Variants in HDAC9 observed in about 807,000 individuals in gnomAD.
HDAC9 encodes MEF-2 interacting transcription repressor (MITR) protein.
In HDAC9, 41 loss-of-function variants were observed where a neutral mutation model predicts 139.4. The observed-to-expected ratio is 0.29, with a 90% CI of 0.23 to 0.38. The LOEUF is 0.38. HDAC9 is among the 10% of genes least tolerant of loss of function. HDAC9 has a pLI of 1.00. For missense variants in HDAC9, 1,147 were observed against 1,297.0 expected, an observed-to-expected ratio of 0.88 and a Z score of 1.78; for synonymous variants, 517 against 476.2, an observed-to-expected ratio of 1.09 and a Z score of -1.12.
intron 17 of HDAC9, among the ~76,000 whole-genome samples, chr7:18,811,531 AT>A (rs1794173805): frequency 6.6e-6 from 1 of 151,564 alleles, no homozygotes; most frequent in Non-Finnish European, 1.5e-5. Context: ...TTACTTGGGC[AT>A]TTTTTCAGCT....
At chr7:18,556,585 G>A (rs1388186248) in intron 2 of HDAC9, among the ~76,000 whole-genome samples, 1 of 151,792 alleles carries the variant, frequency 6.6e-6, no homozygotes, top group Non-Finnish European at 1.5e-5. Context: ...CTTTAATTAA[G>A]TTCACTAATT....
chr7:18,365,413 A>G (rs1030943102), intron 1 of HDAC9, among the ~76,000 whole-genome samples: 4 of 152,136 alleles, frequency 2.6e-5, no homozygotes, highest in African/African-American at 4.8e-5. Context: ...ATAGTAGTGT[A>G]TGCTCTGCAC....
At chr7:18,487,349 G>A (rs560374695) in intron 1 of HDAC9, among the ~76,000 whole-genome samples, 1 of 152,006 alleles carries the variant, frequency 6.6e-6, no homozygotes, top group Non-Finnish European at 1.5e-5. Context: ...ATCATGTTCA[G>A]AGACATGGAA....
intron 24 of HDAC9, among the ~76,000 whole-genome samples, chr7:18,971,410 T>TAACA (rs1262953884): frequency 6.6e-6 from 1 of 152,224 alleles, no homozygotes; most frequent in Admixed American, 6.5e-5. Context: ...ACTTTATGAA[T>TAACA]AACAGCTCCT....
At chr7:18,142,525 C>T (rs749886291) in intron 1 of HDAC9, among the ~76,000 whole-genome samples, 4 of 152,230 alleles carry the variant, frequency 2.6e-5, no homozygotes, top group Non-Finnish European at 5.9e-5. Flanking sequence ...ATGAAGTGAA[C>T]GTCACCACAT....
intron 21 of HDAC9, among the ~76,000 whole-genome samples, chr7:18,840,541 G>A (rs116146752): frequency 0.013 from 1,973 of 152,092 alleles, 42 homozygotes; most frequent in African/African-American, 0.045. Flanking sequence ...TTATTTTATT[G>A]ACTTATGTAG....
intron 5 of HDAC9, among the ~76,000 whole-genome samples, chr7:18,592,522 A>AT (rs902520069): frequency 6.6e-6 from 1 of 152,008 alleles, no homozygotes; most frequent in Admixed American, 6.6e-5. Flanking sequence ...ACACTTATAT[A>AT]TTTTTCAATC....
chr7:18,517,032 C>T (rs62446981), intron 2 of HDAC9, among the ~76,000 whole-genome samples: 17 of 152,196 alleles, frequency 1.1e-4, no homozygotes, highest in African/African-American at 3.4e-4. Flanking sequence ...ACCACCATCA[C>T]CCCAATTCAG....
In HDAC9 at chr7:18,982,447, C is replaced by T. The variant is rs1339848109; in HGVS notation, c.3170+6494C>T. Among the ~76,000 whole-genome samples, 20 of 152,066 alleles carry T rather than the reference C, an allele frequency of 1.3e-4. 1 individual carries two copies. Among genetic ancestry groups the T allele is most frequent in the African/African-American group, 4.3e-4 (18 of 41,408 alleles). On this transcript the variant is annotated intron_variant, in intron 25 of 25. Transcript: ENST00000686413. ...TTCCTGCCTTACTTCTAACATTCTT[C>T]CTCTTTCTTTTCTGATGTGGTTTCC...
intron 2 of HDAC9, among the ~76,000 whole-genome samples, chr7:18,558,711 C>T (rs558195382): frequency 1.3e-5 from 2 of 152,176 alleles, no homozygotes; most frequent in Non-Finnish European, 2.9e-5. Flanking sequence ...CACTTGAGCA[C>T]GAACTTTTCT....
chr7:18,358,802 C>T (rs1346152400), intron 1 of HDAC9, among the ~76,000 whole-genome samples: 1 of 152,204 alleles, frequency 6.6e-6, no homozygotes. Context: ...CTTTAGACAC[C>T]TGTCCCCTCA....
chr7:18,257,872 A>C (rs545495333), intron 2 of HDAC9, among the ~76,000 whole-genome samples: 56 of 152,244 alleles, frequency 3.7e-4, no homozygotes, highest in Non-Finnish European at 1.2e-4. Flanking sequence ...GGTCAAAAAA[A>C]TGTGCACTAG....
intron 1 of HDAC9, among the ~76,000 whole-genome samples, chr7:18,468,851 C>T (rs1794505472): frequency 6.6e-6 from 1 of 152,142 alleles, no homozygotes; most frequent in African/African-American, 2.4e-5. Flanking sequence ...TTTATATTCT[C>T]TGAGCCTCCA....
intron 1 of HDAC9, among the ~76,000 whole-genome samples, chr7:18,431,845 A>G (rs981933201): frequency 7.9e-5 from 12 of 152,234 alleles, no homozygotes; most frequent in African/African-American, 2.9e-4. Context: ...TCACGAAGTC[A>G]GTTTATTCAG....
intron 2 of HDAC9, among the ~76,000 whole-genome samples, chr7:18,168,697 T>G (rs1019609090): frequency 6.6e-6 from 1 of 152,116 alleles, no homozygotes; most frequent in Admixed American, 6.6e-5. Flanking sequence ...CCCCCAAGGC[T>G]TTACTTTCTG....
At chr7:18,970,199 G>A (rs1413201390) in intron 24 of HDAC9, among the ~76,000 whole-genome samples, 1 of 152,078 alleles carries the variant, frequency 6.6e-6, no homozygotes, top group Non-Finnish European at 1.5e-5. Context: ...TTTTTCATAA[G>A]AATATCAGTA....
chr7:18,199,561 G>A (rs1187062290), intron 2 of HDAC9, among the ~76,000 whole-genome samples: 1 of 152,006 alleles, frequency 6.6e-6, no homozygotes, highest in Non-Finnish European at 1.5e-5. Context: ...CAAGGCAGAA[G>A]GATTGTTTGA....
chr7:18,361,305 A>G (rs987883915), intron 1 of HDAC9, among the ~76,000 whole-genome samples: 5 of 152,308 alleles, frequency 3.3e-5, no homozygotes, highest in African/African-American at 1.2e-4. Flanking sequence ...CAAACAATAC[A>G]TAAGTAAGTG....
At chr7:18,590,232 A>C in intron 3 of HDAC9, 104 bp from the exon 4 acceptor site, 1 of 1,195,202 alleles carries the variant, frequency 8.4e-7, no homozygotes, top group African/African-American at 1.5e-5. Context: ...AATATGAACT[A>C]AATACAAACA....
Sources: gnomAD v4.1 joint callset for allele counts (sites outside exome capture counted in the v4.1 genomes callset) on GRCh38, gnomAD v4.1.1 for gene constraint, MANE v1.5 for transcripts, NCBI Gene and HGNC (gene_info 2026-07-23, HGNC 2026-07-21) for gene names.